The following ATP2C2 variants were observed in gnomAD, a reference collection of about 807,000 sequenced individuals.
ATP2C2 encodes ATPase secretory pathway Ca2+ transporting 2, also known as calcium-transporting ATPase type 2C member 2.
A neutral mutation model predicts 110.8 loss-of-function variants in ATP2C2; 171 were observed. That is an observed-to-expected ratio of 1.54 (90% confidence interval 1.36 to 1.75). ATP2C2 has a LOEUF of 1.75. ATP2C2 is among the 40% of genes most tolerant of loss of function. ATP2C2 has a pLI of 0.00. For synonymous variants in ATP2C2, 804 were observed against 508.4 expected (o/e 1.58, Z -7.82); for missense variants, 1,963 against 1,235.0 (o/e 1.59, Z -8.84).
rs375448127 is a variant in ATP2C2, at chr16:84,403,629, T to C, written c.211-1499T>C. On this transcript the variant is annotated intron_variant, in intron 2 of 26. Coordinates refer to ENST00000262429, the MANE Select transcript of ATP2C2 (RefSeq NM_014861.4). ...GGCCTTAACCATTTTGAAGTGTACA[T>C]TGTAGTTGCATTAAGTATAGTCACA... is the stretch of plus-strand genomic sequence containing the variant. 1.1e-4 allele frequency among the ~76,000 whole-genome samples: 16 copies of C among 152,266 alleles called. No individual in the cohort carries two copies. The South Asian group carries it at 1.9e-3, about 18-fold the overall frequency.
chr16:84,452,139 T>A (rs1451332126), intron 18 of ATP2C2, 48 bp downstream of exon 18: 1 of 1,603,648 alleles, frequency 6.2e-7, no homozygotes, highest in Admixed American at 1.7e-5. Context: ...CCATCCATCC[T>A]TTACGATGGG....
At chr16:84,413,830 C>G (rs58772554) in intron 6 of ATP2C2, among the ~76,000 whole-genome samples, 42,075 of 152,030 alleles carry the variant, frequency 0.28, 6,611 homozygotes, top group Middle Eastern at 0.38. Context: ...GTGCAGGCAT[C>G]AAATATTTAT....
chr16:84,421,525 A>T (rs911977905), intron 7 of ATP2C2, among the ~76,000 whole-genome samples: 1 of 152,128 alleles, frequency 6.6e-6, no homozygotes, highest in African/African-American at 2.4e-5. Context: ...TTGGTGTTAC[A>T]TGCTTACATG....
chr16:84,392,432 C>G lies in ATP2C2; in HGVS notation c.100-6067C>G, dbSNP rs543690168. On this transcript the variant is annotated intron_variant, in intron 1 of 26. Coordinates refer to ENST00000262429, the MANE Select transcript of ATP2C2 (RefSeq NM_014861.4). ...CCCAGCCTGCACTTGGCTGGGGTCT[C>G]TGATGGTTCTCTGCGTCTGCACGTT... 2.0e-5 allele frequency among the ~76,000 whole-genome samples: 3 copies of G among 152,248 alleles called. No homozygotes were observed. In the South Asian group the frequency reaches 6.2e-4, roughly 32 times the overall value.
chr16:84,460,920 C>G (rs768278334), intron 24 of ATP2C2, 119 bp downstream of exon 24: 70 of 1,357,376 alleles, frequency 5.2e-5, no homozygotes, highest in African/African-American at 1.0e-4. Flanking sequence ...TGTACACACA[C>G]CGGACAATGT....
chr16:84,461,970 G>C lies in ATP2C2; in HGVS notation c.2581-18G>C, dbSNP rs1182858276. The C allele has an allele frequency of 6.2e-7, 1 of 1,612,136 alleles. No individual in the cohort carries two copies. Among genetic ancestry groups the C allele is most frequent in the African/African-American group, 1.3e-5 (1 of 75,012 alleles). On this transcript the variant is annotated intron_variant, in intron 25 of 26. Transcript: ENST00000262429. ...GTGTGGACAGCACACAATCCCCCGT[G>C]TGACCTTCTCCCTGCAGACCAAGCT...
At chr16:84,435,254 A>G (rs1013713069) in intron 11 of ATP2C2, among the ~76,000 whole-genome samples, 1 of 152,256 alleles carries the variant, frequency 6.6e-6, no homozygotes, top group African/African-American at 2.4e-5. Context: ...ATTAGAAAAC[A>G]TGGTGTTACT....
In ATP2C2 at chr16:84,462,148, A is replaced by C. The variant is rs764561387; in HGVS notation, c.2722+19A>C. ...GCGCTTGGTGAGTGGTGGGGACGGG[A>C]ACGACAGGTGACCTCGACCAGGGCC... On this transcript the variant is annotated intron_variant, in intron 26 of 26. Transcript: ENST00000262429. 8 of 1,606,790 alleles carry C rather than the reference A, an allele frequency of 5.0e-6. No homozygotes were observed. The highest frequency in any genetic ancestry group is 3.4e-5 in the Admixed American group (2 of 59,676).
At chr16:84,458,404 G>A (rs1162008012) in intron 21 of ATP2C2, among the ~76,000 whole-genome samples, 16 of 138,728 alleles carry the variant, frequency 1.2e-4, no homozygotes, top group African/African-American at 3.6e-4. Context: ...TAGATGACAC[G>A]TTAGTGGGTG....
chr16:84,397,501 C>T (rs1348842045), intron 1 of ATP2C2, among the ~76,000 whole-genome samples: 1 of 150,850 alleles, frequency 6.6e-6, no homozygotes, highest in African/African-American at 2.5e-5. Flanking sequence ...ATAGGGAGAC[C>T]CTGTCCCTAC....
rs1905653882 is a variant in ATP2C2, at chr16:84,405,201, T to C, written c.284T>C (p.Val95Ala). Reference sequence around the variant, plus strand: ...CTGGCCCATGGCTGGAATGAGTTTGTTGCTGACAACAGCGAACCTGTGTGG... The same window carrying C: ...CTGGCCCATGGCTGGAATGAGTTTGCTGCTGACAACAGCGAACCTGTGTGG... ...RRLAHGWNEFVADNSEPVWKK... is the reference protein window; with the variant it reads ...RRLAHGWNEFAADNSEPVWKK... Residue 95 changes from valine to alanine, a missense_variant, in exon 3 of 27, where the codon GTT (valine) becomes GCT (alanine). By Grantham distance (64) the Val-to-Ala change is moderately conservative (BLOSUM62 0). Transcript: ENST00000262429. 3 of 1,614,030 alleles carry C rather than the reference T, an allele frequency of 1.9e-6. No homozygotes were observed. Among genetic ancestry groups the C allele is most frequent in the South Asian group, 1.1e-5 (1 of 91,082 alleles).
chr16:84,378,517 C>T (rs988540013), intron 1 of ATP2C2, among the ~76,000 whole-genome samples: 4 of 152,304 alleles, frequency 2.6e-5, no homozygotes, highest in African/African-American at 9.6e-5. Flanking sequence ...CAAAGTTCCC[C>T]TCACTACGCC....
At chr16:84,409,036 G>A (rs545363649) in intron 4 of ATP2C2, among the ~76,000 whole-genome samples, 27 of 151,980 alleles carry the variant, frequency 1.8e-4, no homozygotes, top group Non-Finnish European at 3.7e-4. Flanking sequence ...TCCTGTCCCC[G>A]CTCCTACCAG....
chr16:84,451,379 AGTG>A lies in ATP2C2; in HGVS notation c.1661-539_1661-537del, dbSNP rs201187607. Among the ~76,000 whole-genome samples the A allele has an allele frequency of 6.9e-3, 1,049 of 152,328 alleles. 5 individuals carry two copies. Among genetic ancestry groups the A allele is most frequent in the Middle Eastern group, 0.017 (5 of 294 alleles). Reference sequence around the variant, plus strand: ...AGCCAAACCATATCAAGCAGACAGCAGTGGTATTTTCTGCTATGCAGCTGTTTC... The same window carrying A: ...AGCCAAACCATATCAAGCAGACAGCAGTATTTTCTGCTATGCAGCTGTTTC... On this transcript the variant is annotated intron_variant, in intron 17 of 26. Coordinates refer to ENST00000262429, the MANE Select transcript of ATP2C2 (RefSeq NM_014861.4).
At chr16:84,413,737 A>C (rs1906590766) in intron 6 of ATP2C2, among the ~76,000 whole-genome samples, 1 of 152,042 alleles carries the variant, frequency 6.6e-6, no homozygotes, top group Non-Finnish European at 1.5e-5. Flanking sequence ...GGTGAAGCCC[A>C]CCCTTTGAGT....
intron 1 of ATP2C2, among the ~76,000 whole-genome samples, chr16:84,388,739 C>A (rs1355695513): frequency 1.3e-5 from 2 of 152,140 alleles, no homozygotes; most frequent in African/African-American, 4.8e-5. Flanking sequence ...ATTACGTGCC[C>A]TATATTGTGA....
At chr16:84,392,091 T>C (rs1157909654) in intron 1 of ATP2C2, among the ~76,000 whole-genome samples, 2 of 152,146 alleles carry the variant, frequency 1.3e-5, no homozygotes, top group South Asian at 4.1e-4. Flanking sequence ...ATTCCAATCA[T>C]ATGCAGAAAT....
At chr16:84,413,314 G>C (rs547672437) in intron 6 of ATP2C2, among the ~76,000 whole-genome samples, 1 of 152,100 alleles carries the variant, frequency 6.6e-6, no homozygotes, top group Non-Finnish European at 1.5e-5. Flanking sequence ...AGTGAGATAC[G>C]GTCCCGCGTC....
At position 84,463,750 on chromosome 16, in the gene ATP2C2, C is replaced by G. The variant is rs375720759; in HGVS notation, c.*18C>G. 72 of 1,585,458 alleles carry G rather than the reference C, an allele frequency of 4.5e-5. No individual in the cohort carries two copies. Among genetic ancestry groups the G allele is most frequent in the Non-Finnish European group, 5.8e-5 (67 of 1,154,088 alleles). Reference sequence around the variant, plus strand: ...ATGTGTAGTGGACCGCACTCCGCGGCACCTTCCCTAATCATCTCGATCTGG... The same window carrying G: ...ATGTGTAGTGGACCGCACTCCGCGGGACCTTCCCTAATCATCTCGATCTGG... On this transcript the variant is annotated 3_prime_UTR_variant, in exon 27 of 27. Coordinates refer to ENST00000262429, the MANE Select transcript of ATP2C2 (RefSeq NM_014861.4).
Sources: allele counts gnomAD v4.1 joint callset (sites outside exome capture counted in the v4.1 genomes callset), GRCh38; gene constraint gnomAD v4.1.1; transcripts MANE v1.5; gene names NCBI Gene and HGNC (gene_info 2026-07-23, HGNC 2026-07-21).